The following OPHN1 variants were observed in gnomAD, a reference collection of about 807,000 sequenced individuals.
The protein encoded by OPHN1 is oligophrenin 1, also known as oligophrenin-1.
Under a neutral mutation model 60.7 loss-of-function variants are expected in OPHN1, and 11 were observed. The observed-to-expected ratio is 0.18, with a 90% CI of 0.11 to 0.30. The LOEUF (loss-of-function observed/expected upper bound fraction) is 0.30, where lower values mean the gene tolerates loss of function less well. Ranked by LOEUF, OPHN1 falls within the 10% of genes least tolerant of loss-of-function variation. OPHN1 has a pLI of 1.00. For missense variants in OPHN1, 449 were observed against 611.0 expected, an observed-to-expected ratio of 0.73 and a Z score of 2.80; for synonymous variants, 226 against 222.6, an observed-to-expected ratio of 1.02 and a Z score of -0.14.
intron 23 of OPHN1, among the ~76,000 whole-genome samples, chrX:68,049,836 A>G (rs918018590): frequency 2.7e-5 from 3 of 111,842 alleles, no homozygotes; most frequent in African/African-American, 9.7e-5. Flanking sequence ...GAACACTAAT[A>G]ACTTCTGAAA....
chrX:68,348,019 A>G (rs1414660323), intron 2 of OPHN1, among the ~76,000 whole-genome samples: 5 of 112,013 alleles, frequency 4.5e-5, no homozygotes, highest in African/African-American at 1.6e-4. Flanking sequence ...ATTACCAGCT[A>G]TAAGACCTCA....
chrX:68,266,327 C>A (rs907133476), intron 5 of OPHN1, among the ~76,000 whole-genome samples: 1 of 111,866 alleles, frequency 8.9e-6, no homozygotes, highest in Non-Finnish European at 1.9e-5. Context: ...AACAGCTGAT[C>A]GCTCGGCAGA....
At chrX:68,187,626 GT>G (rs2077468794) in intron 15 of OPHN1, among the ~76,000 whole-genome samples, 2 of 110,854 alleles carry the variant, frequency 1.8e-5, no homozygotes, top group South Asian at 7.7e-4. Context: ...TTGTTTGTTT[GT>G]TTGTTTGTTT....
chrX:68,286,180 T>C lies in OPHN1; in HGVS notation c.251-3063A>G, dbSNP rs754750791. Among the ~76,000 whole-genome samples the C allele has an allele frequency of 1.3e-4, 14 of 111,613 alleles. No homozygotes were observed. The South Asian group carries it at 4.6e-3, about 36-fold the overall frequency. On this transcript the variant is annotated intron_variant, in intron 3 of 24. Transcript: ENST00000355520. ...AACTCCTCTCTTTCCCCAGAGCTTG[T>C]TGTTCTTGTGGTTGCTTGTTGTTAC...
intron 15 of OPHN1, among the ~76,000 whole-genome samples, chrX:68,170,689 A>G (rs1238599945): frequency 9.5e-6 from 1 of 104,991 alleles, no homozygotes; most frequent in Admixed American, 1.1e-4. Context: ...GAACAAAAAA[A>G]CCAAACACCG....
chrX:68,047,274 C>T (rs1311099310), intron 24 of OPHN1, 111 bp from the exon 25 acceptor site: 3 of 111,622 alleles, frequency 2.7e-5, no homozygotes, highest in African/African-American at 9.8e-5. Flanking sequence ...ATTGGTAGCT[C>T]ATCTTCTGAG....
intron 24 of OPHN1, 129 bp downstream of exon 24, chrX:68,048,287 T>G: frequency 1.8e-6 from 1 of 555,358 alleles, no homozygotes; most frequent in Non-Finnish European, 3.1e-6. Context: ...GATAGAGTAA[T>G]GAACTGAGGC....
intron 7 of OPHN1, among the ~76,000 whole-genome samples, chrX:68,212,508 C>T (rs2077589168): frequency 9.0e-6 from 1 of 111,535 alleles, no homozygotes; most frequent in African/African-American, 3.3e-5. Context: ...TGGCTTGAAC[C>T]CGGGAGGCGG....
chrX:68,055,745 C>T (rs1231819802), intron 21 of OPHN1, among the ~76,000 whole-genome samples: 1 of 112,304 alleles, frequency 8.9e-6, no homozygotes, highest in East Asian at 2.8e-4. Flanking sequence ...AAATGTGGCA[C>T]ATATGCACCA....
chrX:68,366,663 T>C (rs1007489816), intron 2 of OPHN1, among the ~76,000 whole-genome samples: 2 of 111,642 alleles, frequency 1.8e-5, no homozygotes, highest in Admixed American at 9.6e-5. Context: ...CATCATATTT[T>C]ACATTTTAAC....
At chrX:68,133,044 C>G in intron 15 of OPHN1, 1 of 492,945 alleles carries the variant, frequency 2.0e-6, no homozygotes, top group Non-Finnish European at 3.7e-6. Context: ...CTGCAGCAGT[C>G]CGCCCCACTC....
chrX:68,167,388 A>G (rs1023772472), intron 15 of OPHN1, among the ~76,000 whole-genome samples: 4 of 111,062 alleles, frequency 3.6e-5, no homozygotes, highest in Non-Finnish European at 7.6e-5. Flanking sequence ...ACCTTTGTAC[A>G]CTCTTGGTAG....
At chrX:68,386,712 A>C (rs1385904789) in intron 2 of OPHN1, among the ~76,000 whole-genome samples, 1 of 112,315 alleles carries the variant, frequency 8.9e-6, no homozygotes, top group African/African-American at 3.2e-5. Context: ...ATTTGCTACC[A>C]GCAAGTTGTC....
chrX:68,179,591 A>G (rs2077428279), intron 15 of OPHN1, among the ~76,000 whole-genome samples: 1 of 111,519 alleles, frequency 9.0e-6, no homozygotes, highest in Non-Finnish European at 1.9e-5. Context: ...GTATCTGATC[A>G]CTGTATCCGG....
chrX:68,361,677 G>A (rs1321104347), intron 2 of OPHN1, among the ~76,000 whole-genome samples: 2 of 110,690 alleles, frequency 1.8e-5, no homozygotes, highest in Non-Finnish European at 3.8e-5. Context: ...ATAGATACTC[G>A]AGCTGATTAC....
chrX:68,378,828 T>C (rs2078577024), intron 2 of OPHN1, among the ~76,000 whole-genome samples: 1 of 111,862 alleles, frequency 8.9e-6, no homozygotes, highest in Non-Finnish European at 1.9e-5. Context: ...CTGTTTTGGT[T>C]ACTGTAGCCT....
intron 15 of OPHN1, among the ~76,000 whole-genome samples, chrX:68,139,872 G>A (rs1242077730): frequency 1.8e-5 from 2 of 111,814 alleles, no homozygotes; most frequent in Non-Finnish European, 3.8e-5. Flanking sequence ...CTCTAACCCA[G>A]ACACCAACCT....
intron 12 of OPHN1, among the ~76,000 whole-genome samples, chrX:68,195,063 G>GAAGGAAGGAAGGAAGA (rs1555951821): frequency 9.8e-5 from 9 of 92,213 alleles, no homozygotes; most frequent in African/African-American, 1.9e-4. Context: ...AGGAAGGAAG[G>GAAGGAAGGAAGGAAGA]AAGAAAGAAA....
chrX:68,166,916 A>G (rs927171267), intron 15 of OPHN1, among the ~76,000 whole-genome samples: 1 of 112,260 alleles, frequency 8.9e-6, no homozygotes, highest in Non-Finnish European at 1.9e-5. Flanking sequence ...AAGACCTCAA[A>G]CTATAAAACT....
Sources: gnomAD v4.1 joint callset for allele counts (sites outside exome capture counted in the v4.1 genomes callset) on GRCh38, gnomAD v4.1.1 for gene constraint, MANE v1.5 for transcripts, NCBI Gene and HGNC (gene_info 2026-07-23, HGNC 2026-07-21) for gene names.